ITGBL1: variants seen among roughly 807,000 people sequenced by gnomAD.
The protein encoded by ITGBL1 is integrin beta-like protein 1.
Under a neutral mutation model 68.5 loss-of-function variants are expected in ITGBL1, and 51 were observed. The ratio of observed to expected loss-of-function variants is 0.74; its 90% CI spans 0.59 to 0.94. The LOEUF is 0.94. Among genes scored for constraint, ITGBL1 ranks in the 40% least tolerant of loss-of-function variants. The pLI is 0.00. For missense variants in ITGBL1, 649 were observed against 647.4 expected (o/e 1.00, Z -0.03); for synonymous variants, 209 against 227.3 (o/e 0.92, Z 0.72).
intron 7 of ITGBL1, among the ~76,000 whole-genome samples, chr13:101,687,535 T>A (rs1291465284): frequency 6.6e-6 from 1 of 152,082 alleles, no homozygotes; most frequent in Non-Finnish European, 1.5e-5. Context: ...CTTGTTTGAA[T>A]TTTTAAGTAA....
chr13:101,469,406 G>T (rs538081792), intron 2 of ITGBL1, among the ~76,000 whole-genome samples: 1 of 152,198 alleles, frequency 6.6e-6, no homozygotes, highest in African/African-American at 2.4e-5. Context: ...TTGTTGCCAG[G>T]CGCTGTGGCT....
intron 10 of ITGBL1, 37 bp downstream of exon 10, chr13:101,714,588 A>C: frequency 5.0e-6 from 6 of 1,202,706 alleles, no homozygotes; most frequent in Non-Finnish European, 7.5e-6. Flanking sequence ...TCTATGCCAC[A>C]GTTTGTTATA....
At chr13:101,529,611 T>C (rs1379564191) in intron 2 of ITGBL1, among the ~76,000 whole-genome samples, 1 of 152,188 alleles carries the variant, frequency 6.6e-6, no homozygotes, top group Non-Finnish European at 1.5e-5. Context: ...CCTTGAATTG[T>C]AATCCCCACG....
downstream of ITGBL1, chr13:101,720,450 C>T (rs1205909569): frequency 6.6e-6 from 1 of 151,710 alleles, no homozygotes. Flanking sequence ...TTAATTTAAA[C>T]CAATAAACAG....
At chr13:101,576,211 C>T (rs866333980) in intron 4 of ITGBL1, among the ~76,000 whole-genome samples, 10 of 152,222 alleles carry the variant, frequency 6.6e-5, no homozygotes, top group Middle Eastern at 6.8e-3. Flanking sequence ...AATTAGGTAA[C>T]GAACCCAGGG....
intron 2 of ITGBL1, among the ~76,000 whole-genome samples, chr13:101,562,388 A>C (rs1484789313): frequency 1.3e-5 from 2 of 152,048 alleles, no homozygotes; most frequent in African/African-American, 4.8e-5. Context: ...ACCAGTTAAA[A>C]GATAGAGATT....
intron 2 of ITGBL1, among the ~76,000 whole-genome samples, chr13:101,474,900 A>G (rs763001764): frequency 6.6e-6 from 1 of 152,212 alleles, no homozygotes; most frequent in Non-Finnish European, 1.5e-5. Flanking sequence ...CACAGCTGCA[A>G]TGACCAAAGA....
intron 7 of ITGBL1, among the ~76,000 whole-genome samples, chr13:101,613,474 A>G (rs1816760291): frequency 6.6e-6 from 1 of 152,164 alleles, no homozygotes; most frequent in Non-Finnish European, 1.5e-5. Flanking sequence ...AGGGAAATCA[A>G]GAGAATATAA....
intron 2 of ITGBL1, among the ~76,000 whole-genome samples, chr13:101,548,985 A>T: frequency 6.6e-6 from 1 of 151,932 alleles, no homozygotes; most frequent in East Asian, 1.9e-4. Context: ...ATTATTTTTT[A>T]AAAATACATT....
At chr13:101,602,649 G>A (rs765860679) in intron 7 of ITGBL1, among the ~76,000 whole-genome samples, 5 of 151,654 alleles carry the variant, frequency 3.3e-5, no homozygotes, top group Non-Finnish European at 5.9e-5. Context: ...ACATAATTAT[G>A]CAGCCATCAC....
At chr13:101,583,637 A>G (rs187338310) in intron 6 of ITGBL1, among the ~76,000 whole-genome samples, 1 of 152,302 alleles carries the variant, frequency 6.6e-6, no homozygotes, top group East Asian at 1.9e-4. Flanking sequence ...CATCCCATGT[A>G]CCCCATAAAC....
At chr13:101,606,920 T>G (rs1342592532) in intron 7 of ITGBL1, among the ~76,000 whole-genome samples, 1 of 151,998 alleles carries the variant, frequency 6.6e-6, no homozygotes, top group Non-Finnish European at 1.5e-5. Flanking sequence ...TAAGCCAAGA[T>G]AAACAAACAC....
intron 1 of ITGBL1, 117 bp downstream of exon 1, chr13:101,453,048 C>A: frequency 1.3e-6 from 1 of 771,958 alleles, no homozygotes; most frequent in Non-Finnish European, 2.3e-6. Context: ...AAGGGATAAA[C>A]TGTTTTCAAC....
At chr13:101,652,176 A>C (rs971921091) in intron 7 of ITGBL1, among the ~76,000 whole-genome samples, 3 of 152,116 alleles carry the variant, frequency 2.0e-5, no homozygotes, top group Non-Finnish European at 4.4e-5. Context: ...CCAAGAAGTC[A>C]TGTCGCCCAG....
At chr13:101,491,749 A>G (rs1232500260) in intron 2 of ITGBL1, among the ~76,000 whole-genome samples, 1 of 151,872 alleles carries the variant, frequency 6.6e-6, no homozygotes, top group Non-Finnish European at 1.5e-5. Flanking sequence ...TGCGTTAGGT[A>G]TTTCTCCTAA....
At chr13:101,496,967 T>C (rs970024656) in intron 2 of ITGBL1, among the ~76,000 whole-genome samples, 4 of 152,132 alleles carry the variant, frequency 2.6e-5, no homozygotes, top group Non-Finnish European at 1.5e-5. Context: ...GTATCAGGCA[T>C]GTAGATCATA....
chr13:101,576,895 C>T (rs1290862280), intron 4 of ITGBL1, among the ~76,000 whole-genome samples: 1 of 151,568 alleles, frequency 6.6e-6, no homozygotes, highest in Non-Finnish European at 1.5e-5. Flanking sequence ...TTAGACAAAT[C>T]CATCCACAAA....
intron 6 of ITGBL1, among the ~76,000 whole-genome samples, chr13:101,588,758 C>A (rs1218722266): frequency 6.6e-6 from 1 of 151,226 alleles, no homozygotes; most frequent in Non-Finnish European, 1.5e-5. Flanking sequence ...TAAATAGATA[C>A]CATTATCTCT....
At chr13:101,562,909 C>T (rs2050123414) in intron 2 of ITGBL1, among the ~76,000 whole-genome samples, 1 of 151,444 alleles carries the variant, frequency 6.6e-6, no homozygotes, top group African/African-American at 2.4e-5. Context: ...ATAATAGAAG[C>T]CTTCAGAAAT....
Sources: allele counts gnomAD v4.1 joint callset (sites outside exome capture counted in the v4.1 genomes callset), GRCh38; gene constraint gnomAD v4.1.1; transcripts MANE v1.5; gene names NCBI Gene and HGNC (gene_info 2026-07-23, HGNC 2026-07-21).